CACNA1E: variants seen among roughly 807,000 people sequenced by gnomAD.
CACNA1E encodes voltage-dependent R-type calcium channel subunit alpha-1E.
CACNA1E carries 40 observed loss-of-function variants against 259.2 expected under a neutral mutation model. The ratio of observed to expected loss-of-function variants is 0.15; its 90% CI spans 0.12 to 0.20. The LOEUF (loss-of-function observed/expected upper bound fraction) is 0.20, where lower values mean the gene tolerates loss of function less well. CACNA1E is among the 10% of genes least tolerant of loss of function. The pLI, the probability that CACNA1E is intolerant of heterozygous loss-of-function variation, is 1.00. For missense variants in CACNA1E, 1,874 were observed against 3,040.1 expected (o/e 0.62, Z 9.02); for synonymous variants, 1,104 against 1,138.5 (o/e 0.97, Z 0.61).
intron 38 of CACNA1E, among the ~76,000 whole-genome samples, chr1:181,777,195 T>A (rs1288240563): frequency 6.6e-6 from 1 of 152,096 alleles, no homozygotes; most frequent in East Asian, 1.9e-4. Context: ...AAGGTGAGAG[T>A]TCTATGAATG....
At chr1:181,463,588 T>C (rs1254664706) in intron 2 of CACNA1E, among the ~76,000 whole-genome samples, 1 of 152,146 alleles carries the variant, frequency 6.6e-6, no homozygotes, top group African/African-American at 2.4e-5. Flanking sequence ...ACTGAACATA[T>C]GTTTGTTGGC....
Position 181,807,376 on chromosome 1 carries a change from C to T in CACNA1E, c.*8542C>T, listed in dbSNP as rs1470902165. On this transcript the variant is annotated 3_prime_UTR_variant, in exon 48 of 48. Transcript: ENST00000367573. ...GTGGGGGGATTATAGGGCACCAGCTCAGCCGCCAAGTTCAGGAAGCAGCTG... is the reference window on the plus strand; with the variant it reads ...GTGGGGGGATTATAGGGCACCAGCTTAGCCGCCAAGTTCAGGAAGCAGCTG... The T allele has an allele frequency of 6.6e-6, 1 of 152,120 alleles. No individual in the cohort carries two copies. Among genetic ancestry groups the T allele is most frequent in the Non-Finnish European group, 1.5e-5 (1 of 68,124 alleles). 9.4% of individuals were successfully genotyped at this position (152,120 alleles called of 1,614,324 possible).
chr1:181,577,646 ACAG>A, intron 3 of CACNA1E, 117 bp from the exon 4 acceptor site: 2 of 565,126 alleles, frequency 3.5e-6, no homozygotes, highest in Non-Finnish European at 6.3e-6. Flanking sequence ...GCACCCACAT[ACAG>A]CTGGCGTCAG....
chr1:181,589,677 C>T (rs1385253526), intron 6 of CACNA1E, among the ~76,000 whole-genome samples: 3 of 151,998 alleles, frequency 2.0e-5, no homozygotes, highest in Non-Finnish European at 4.4e-5. Context: ...TATGATTGAC[C>T]TATGAATCAT....
At chr1:181,404,585 G>A (rs910767484) in intron 1 of CACNA1E, among the ~76,000 whole-genome samples, 5 of 152,190 alleles carry the variant, frequency 3.3e-5, no homozygotes, top group African/African-American at 7.2e-5. Context: ...AGAAGAGAGT[G>A]GAATGAAGAA....
At chr1:181,452,097 G>A (rs921443112) in intron 2 of CACNA1E, among the ~76,000 whole-genome samples, 6 of 152,204 alleles carry the variant, frequency 3.9e-5, no homozygotes, top group Non-Finnish European at 8.8e-5. Context: ...CCTATGGTTA[G>A]GGCCGGATGA....
At chr1:181,548,993 G>T (rs1284356442) in intron 3 of CACNA1E, among the ~76,000 whole-genome samples, 2 of 152,184 alleles carry the variant, frequency 1.3e-5, no homozygotes, top group Non-Finnish European at 2.9e-5. Context: ...AGAAGAACAG[G>T]CACGTCTAGG....
intron 1 of CACNA1E, among the ~76,000 whole-genome samples, chr1:181,506,177 G>A (rs188066268): frequency 1.2e-4 from 18 of 152,326 alleles, no homozygotes; most frequent in African/African-American, 3.8e-4. Context: ...CTTTGAGGCC[G>A]TGGCGACTCG....
At chr1:181,717,687 G>C (rs1409997243) in intron 11 of CACNA1E, among the ~76,000 whole-genome samples, 1 of 152,132 alleles carries the variant, frequency 6.6e-6, no homozygotes, top group Non-Finnish European at 1.5e-5. Context: ...CTCCAGATTA[G>C]ACTGCCACTG....
chr1:181,524,108 A>G (rs747253652), intron 3 of CACNA1E, among the ~76,000 whole-genome samples: 1 of 152,220 alleles, frequency 6.6e-6, no homozygotes, highest in Admixed American at 6.5e-5. Context: ...TAGGTTGCTC[A>G]TGCAGAGCCA....
chr1:181,563,091 C>T (rs1649480924), intron 3 of CACNA1E, among the ~76,000 whole-genome samples: 1 of 152,150 alleles, frequency 6.6e-6, no homozygotes, highest in Admixed American at 6.6e-5. Flanking sequence ...ACAAATAGCT[C>T]TCGTTCATTT....
intron 10 of CACNA1E, among the ~76,000 whole-genome samples, chr1:181,716,450 T>C (rs1229792577): frequency 6.6e-6 from 1 of 152,194 alleles, no homozygotes; most frequent in African/African-American, 2.4e-5. Flanking sequence ...GAGAACCCAC[T>C]ATGGGACATT....
At chr1:181,580,943 C>G (rs1260547090) in intron 6 of CACNA1E, among the ~76,000 whole-genome samples, 167 bp downstream of exon 6, 1 of 152,210 alleles carries the variant, frequency 6.6e-6, no homozygotes, top group African/African-American at 2.4e-5. Flanking sequence ...GTTCATAACC[C>G]TCTTTTGTCT....
At chr1:181,655,477 GGAAAATAATTTTCAAGATA>G (rs1659132450) in intron 7 of CACNA1E, among the ~76,000 whole-genome samples, 1 of 152,128 alleles carries the variant, frequency 6.6e-6, no homozygotes, top group Non-Finnish European at 1.5e-5. Context: ...ACTTTCATAA[GGAAAATAATTTTCAAGATA>G]GAATTCTATA....
intron 6 of CACNA1E, among the ~76,000 whole-genome samples, chr1:181,645,277 G>A (rs563069443): frequency 2.0e-5 from 3 of 152,294 alleles, no homozygotes; most frequent in Admixed American, 2.0e-4. Context: ...AAGACCTTAA[G>A]GTTATCTAGA....
chr1:181,356,987 C>A (rs983139428), intron 1 of CACNA1E, among the ~76,000 whole-genome samples: 2 of 152,122 alleles, frequency 1.3e-5, no homozygotes, highest in South Asian at 4.1e-4. Flanking sequence ...CTTGGGTAAA[C>A]GACGGTTCAT....
chr1:181,791,876 G>A (rs1455848301), intron 44 of CACNA1E, among the ~76,000 whole-genome samples: 3 of 152,170 alleles, frequency 2.0e-5, no homozygotes, highest in African/African-American at 7.2e-5. Context: ...TGATGGAATG[G>A]GCACCCCCAC....
At chr1:181,778,654 TG>T (rs1660161238) in intron 38 of CACNA1E, among the ~76,000 whole-genome samples, 1 of 152,128 alleles carries the variant, frequency 6.6e-6, no homozygotes, top group South Asian at 2.1e-4. Context: ...CATAGGAAGC[TG>T]GTACTCTCTA....
chr1:181,587,537 G>A (rs568536018), intron 6 of CACNA1E, among the ~76,000 whole-genome samples: 1 of 152,270 alleles, frequency 6.6e-6, no homozygotes, highest in Non-Finnish European at 1.5e-5. Context: ...AAGAGGTGGC[G>A]GAGAAACCGT....
Sources: allele counts gnomAD v4.1 joint callset (sites outside exome capture counted in the v4.1 genomes callset), GRCh38; gene constraint gnomAD v4.1.1; transcripts MANE v1.5; gene names NCBI Gene and HGNC (gene_info 2026-07-23, HGNC 2026-07-21).